SLC24A2: variants seen among roughly 807,000 people sequenced by gnomAD.
SLC24A2 encodes the protein sodium/potassium/calcium exchanger 2.
In SLC24A2, 36 loss-of-function variants were observed where a neutral mutation model predicts 62.0. That is an observed-to-expected ratio of 0.58 (90% CI 0.44 to 0.77). The LOEUF (loss-of-function observed/expected upper bound fraction) is 0.77, where lower values mean the gene tolerates loss of function less well. SLC24A2 is among the 30% of genes least tolerant of loss of function. The pLI, the probability that SLC24A2 is intolerant of heterozygous loss-of-function variation, is 0.00. For synonymous variants in SLC24A2, 358 were observed against 294.0 expected (o/e 1.22, Z -2.23); for missense variants, 846 against 817.9 (o/e 1.03, Z -0.42).
chr9:19,938,398 A>G, the SLC24A2 span, among the ~76,000 whole-genome samples: 111 of 152,302 alleles, frequency 7.3e-4, 1 homozygote, highest in South Asian at 0.02. Context: ...TTTAACTTAC[A>G]TGGACAATAG....
the SLC24A2 span, among the ~76,000 whole-genome samples, chr9:19,882,559 G>A: frequency 6.6e-6 from 1 of 151,728 alleles, no homozygotes. Context: ...AAATGGCATG[G>A]AAATCACAGT....
the SLC24A2 span, chr9:19,930,008 T>C: frequency 1.3e-5 from 2 of 152,328 alleles, no homozygotes; most frequent in South Asian, 4.1e-4. Flanking sequence ...CTAAGTGTTA[T>C]TACAAAAAGT....
chr9:19,923,245 A>T, the SLC24A2 span, among the ~76,000 whole-genome samples: 1 of 152,296 alleles, frequency 6.6e-6, no homozygotes, highest in South Asian at 2.1e-4. Flanking sequence ...CCAAGGACTT[A>T]CCATACTTTC....
the SLC24A2 span, among the ~76,000 whole-genome samples, chr9:20,084,620 A>G: frequency 2.6e-5 from 4 of 152,042 alleles, no homozygotes; most frequent in South Asian, 8.3e-4. Flanking sequence ...ACCACTGGGT[A>G]ACAAGACCTC....
chr9:20,273,334 G>T, the SLC24A2 span, among the ~76,000 whole-genome samples: 2 of 152,142 alleles, frequency 1.3e-5, no homozygotes, highest in African/African-American at 4.8e-5. Flanking sequence ...TATTCCCAGA[G>T]AAAAGAAACA....
the SLC24A2 span, among the ~76,000 whole-genome samples, chr9:20,025,174 G>A: frequency 6.6e-6 from 1 of 152,052 alleles, no homozygotes; most frequent in Non-Finnish European, 1.5e-5. Flanking sequence ...TGCTTGTCAT[G>A]ACTCACTAAA....
intron 4 of SLC24A2, among the ~76,000 whole-genome samples, chr9:19,608,079 A>G (rs1334131973): frequency 1.3e-5 from 2 of 152,186 alleles, no homozygotes; most frequent in African/African-American, 2.4e-5. Flanking sequence ...TTAGTAGACC[A>G]CGGCCAGTAG....
At chr9:19,778,922 G>T (rs148889776) in intron 2 of SLC24A2, among the ~76,000 whole-genome samples, 20 of 152,242 alleles carry the variant, frequency 1.3e-4, no homozygotes, top group African/African-American at 4.6e-4. Flanking sequence ...GGCATTAAAA[G>T]TATGATGAAA....
chr9:19,562,805 T>C (rs576286135), intron 7 of SLC24A2, among the ~76,000 whole-genome samples: 111 of 152,322 alleles, frequency 7.3e-4, no homozygotes, highest in Non-Finnish European at 1.3e-3. Flanking sequence ...TGTTCAGGCC[T>C]TGAAAAATCC....
chr9:19,970,436 T>A, the SLC24A2 span, among the ~76,000 whole-genome samples: 2 of 152,288 alleles, frequency 1.3e-5, no homozygotes, highest in South Asian at 4.1e-4. Context: ...AATACAGGTG[T>A]GTGAGTGTTT....
At chr9:20,102,624 C>G in the SLC24A2 span, among the ~76,000 whole-genome samples, 1 of 151,580 alleles carries the variant, frequency 6.6e-6, no homozygotes, top group African/African-American at 2.4e-5. Context: ...CACATGTATC[C>G]CAGAACTTAA....
the SLC24A2 span, among the ~76,000 whole-genome samples, chr9:20,052,807 A>G: frequency 6.6e-6 from 1 of 152,142 alleles, no homozygotes; most frequent in Non-Finnish European, 1.5e-5. Flanking sequence ...TTCAGACTGC[A>G]CTGTTAGGCC....
intron 2 of SLC24A2, among the ~76,000 whole-genome samples, chr9:19,760,767 T>A (rs927534563): frequency 6.6e-6 from 1 of 151,970 alleles, no homozygotes; most frequent in African/African-American, 2.4e-5. Context: ...CAGCCTAACA[T>A]TGATGGGCAT....
At chr9:20,271,664 A>T in the SLC24A2 span, among the ~76,000 whole-genome samples, 1 of 152,210 alleles carries the variant, frequency 6.6e-6, no homozygotes, top group Non-Finnish European at 1.5e-5. Flanking sequence ...AGAGACTGAC[A>T]CAGATGTTGA....
At chr9:19,969,421 G>T in the SLC24A2 span, among the ~76,000 whole-genome samples, 2 of 152,088 alleles carry the variant, frequency 1.3e-5, no homozygotes, top group African/African-American at 2.4e-5. Context: ...GAAAGTCTGA[G>T]TCTCATGCCA....
At chr9:20,267,849 A>G in the SLC24A2 span, among the ~76,000 whole-genome samples, 1 of 152,116 alleles carries the variant, frequency 6.6e-6, no homozygotes. Flanking sequence ...GAATGAGTCA[A>G]TCGTGTAAGG....
rs534491536 is a variant in SLC24A2, at chr9:19,579,755, A to G, written c.1130-2733T>C. Among the ~76,000 whole-genome samples the G allele has an allele frequency of 8.5e-5, 13 of 152,332 alleles. No homozygotes were observed. In the South Asian group the frequency reaches 1.7e-3, roughly 19 times the overall value. Reference sequence around the variant, plus strand: ...CATGACACAGAAAATATTGGATAGAAACAAGCTAATGACATATCACTTGTG... The same window carrying G: ...CATGACACAGAAAATATTGGATAGAGACAAGCTAATGACATATCACTTGTG... On this transcript the variant is annotated intron_variant, in intron 5 of 10. Coordinates refer to ENST00000341998, the MANE Select transcript of SLC24A2 (RefSeq NM_020344.4).
At chr9:20,267,452 C>A in the SLC24A2 span, among the ~76,000 whole-genome samples, 1 of 152,118 alleles carries the variant, frequency 6.6e-6, no homozygotes, top group Non-Finnish European at 1.5e-5. Flanking sequence ...CCCCCGAGTG[C>A]CGCCACCACC....
At chr9:20,076,895 T>C in the SLC24A2 span, among the ~76,000 whole-genome samples, 2 of 146,346 alleles carry the variant, frequency 1.4e-5, no homozygotes, top group Non-Finnish European at 3.0e-5. Context: ...ATCATATGTG[T>C]ATATATATAT....
Sources: allele counts gnomAD v4.1 joint callset (sites outside exome capture counted in the v4.1 genomes callset), GRCh38; gene constraint gnomAD v4.1.1; transcripts MANE v1.5; gene names NCBI Gene and HGNC (gene_info 2026-07-23, HGNC 2026-07-21).